Variants in ZNF594 observed in about 807,000 individuals in gnomAD.
The protein encoded by ZNF594 is zinc finger protein 594, also known as zinc finger protein HZF18.
For synonymous variants in ZNF594, 336 were observed against 309.4 expected (o/e 1.09, Z -0.90); for missense variants, 1,037 against 964.6 (o/e 1.08, Z -0.99).
At chr17:5,186,509 C>T (rs181780708) in intron 1 of ZNF594, among the ~76,000 whole-genome samples, 272 of 152,342 alleles carry the variant, frequency 1.8e-3, no homozygotes, top group South Asian at 6.0e-3. Flanking sequence ...TCTGACATGC[C>T]CTGGAGACAT....
chr17:5,181,599 A>C lies in ZNF594; in HGVS notation c.*234T>G, dbSNP rs767768798. On this transcript the variant is annotated 3_prime_UTR_variant, in exon 2 of 2. Transcript: ENST00000575779. ...ATGAATTCTCCGACGTTGAATAAGG[A>C]GTGAACGCCGCCTGAAGGCTTTTTC... The C allele has an allele frequency of 1.1e-5, 18 of 1,611,218 alleles. No individual in the cohort carries two copies. Among genetic ancestry groups the C allele is most frequent in the Non-Finnish European group, 1.4e-5 (16 of 1,177,574 alleles).
rs552766444 is a variant in ZNF594, at chr17:5,183,125, A to G, written c.1132T>C (p.Cys378Arg). ...TGGAAATTCCTACCACACTGATTAC[A>G]CCAATAAGCTTTCTCTTCCTGGTGA... ...RIHQEEKAYW[C>R]NQCGRNFQGT... The change falls in exon 2 of 2, where the codon TGT becomes CGT. Residue 378 changes from cysteine to arginine, a missense_variant. Cys to Arg is a radical substitution (Grantham distance 180). Transcript: ENST00000575779. The G allele has an allele frequency of 6.2e-7, 1 of 1,614,052 alleles. No homozygotes were observed. The highest frequency in any genetic ancestry group is 2.2e-5 in the East Asian group (1 of 44,862).
chr17:5,182,649 G>A lies in ZNF594; in HGVS notation c.1608C>T (p.Ser536=). 6.2e-7 allele frequency: 1 copy of A among 1,613,266 alleles called. No homozygotes were observed. Among genetic ancestry groups the A allele is most frequent in the Non-Finnish European group, 8.5e-7 (1 of 1,179,688 alleles). Residue 536 remains serine, a synonymous_variant, in exon 2 of 2, where the codon AGC becomes AGT. Transcript: ENST00000575779. ...IWRTAFLKHQ[S]LHTGEKLECE... is the part of the protein sequence containing the mutation. ...ATTCAAGTTTCTCTCCAGTATGCAG[G>A]CTCTGATGTTTGAGGAAAGCTGTGC... is the stretch of plus-strand genomic sequence containing the variant.
Position 5,181,088 on chromosome 17 carries a change from T to C in ZNF594, c.*745A>G, listed in dbSNP as rs756791357. On this transcript the variant is annotated 3_prime_UTR_variant, in exon 2 of 2. Transcript: ENST00000575779. ...AGGGTTTCTCTCTGGTATGAATTCT[T>C]TGATGACTGACAAGGTGTGAGTTCT... 6.9e-7 allele frequency: 1 copy of C among 1,441,996 alleles called. No individual in the cohort carries two copies. The highest frequency in any genetic ancestry group is 9.7e-7 in the Non-Finnish European group (1 of 1,032,340). 89.3% of individuals were successfully genotyped at this position (1,441,996 alleles called of 1,614,324 possible).
chr17:5,175,160 C>G, downstream of ZNF594: 1 of 162,202 alleles, frequency 6.2e-6, no homozygotes, highest in Non-Finnish European at 1.4e-5. Context: ...TTCCCCAACT[C>G]CTGGGCTACA....
chr17:5,183,473 T>G lies in ZNF594; in HGVS notation c.784A>C (p.Thr262Pro), dbSNP rs1033675780. 12 of 1,614,016 alleles carry G rather than the reference T, an allele frequency of 7.4e-6. No homozygotes were observed. The highest frequency in any genetic ancestry group is 1.0e-5 in the Non-Finnish European group (12 of 1,180,050). Residue 262 changes from threonine (T) to proline (P), a missense_variant, in exon 2 of 2, where the codon ACT becomes CCT. Transcript: ENST00000575779. ...TDLIIHHRIHTGEKPYECYDC... is the reference protein window; with the variant it reads ...TDLIIHHRIHPGEKPYECYDC... Reference sequence around the variant, plus strand: ...TAACATTCATAGGGTTTCTCTCCAGTGTGAATTCTGTGATGTATAATAAGA... The same window carrying G: ...TAACATTCATAGGGTTTCTCTCCAGGGTGAATTCTGTGATGTATAATAAGA...
chr17:5,181,539 C>T lies in ZNF594; in HGVS notation c.*294G>A, dbSNP rs764098668. 3 of 1,613,898 alleles carry T rather than the reference C, an allele frequency of 1.9e-6. No homozygotes were observed. The highest frequency in any genetic ancestry group is 2.5e-6 in the Non-Finnish European group (3 of 1,179,892). ...AGCTGTGTGCCACATGAAGAGTTTC[C>T]CACATTCCTTACATTCATAGGGTTT... On this transcript the variant is annotated 3_prime_UTR_variant, in exon 2 of 2. Coordinates refer to ENST00000575779, the MANE Select transcript of ZNF594 (RefSeq NM_032530.2).
intron 1 of ZNF594, among the ~76,000 whole-genome samples, chr17:5,189,738 G>A (rs2074409609): frequency 6.6e-6 from 1 of 152,030 alleles, no homozygotes; most frequent in Non-Finnish European, 1.5e-5. Context: ...TGCCCAGGCA[G>A]GTCTCAAACT....
the ZNF594 span, chr17:5,174,219 ATAT>A: frequency 1.5e-4 from 29 of 191,154 alleles, no homozygotes; most frequent in Non-Finnish European, 5.5e-5. Context: ...AAAAGTATAA[ATAT>A]TATTTATTTG....
At position 5,184,055 on chromosome 17, in the gene ZNF594, C is replaced by T; in HGVS notation, c.202G>A (p.Glu68Lys). 6.2e-7 allele frequency: 1 copy of T among 1,614,168 alleles called. No homozygotes were observed. Among genetic ancestry groups the T allele is most frequent in the Non-Finnish European group, 8.5e-7 (1 of 1,180,034 alleles). ...GCTTTCTGGGGGATAATATGCATTTCCCTGATACCGCTCTCTTGGGAAGGG... is the reference window on the plus strand; with the variant it reads ...GCTTTCTGGGGGATAATATGCATTTTCCTGATACCGCTCTCTTGGGAAGGG... ...HLPSQESGIR[E>K]MHIIPQKAIV... Residue 68 changes from glutamate to lysine, a missense_variant, in exon 2 of 2, where the codon GAA (glutamate) becomes AAA (lysine). By Grantham distance (56) the Glu-to-Lys change is moderately conservative (BLOSUM62 1). Coordinates refer to ENST00000575779, the MANE Select transcript of ZNF594 (RefSeq NM_032530.2).
chr17:5,190,369 G>C (rs1313798663), intron 1 of ZNF594, among the ~76,000 whole-genome samples: 1 of 151,558 alleles, frequency 6.6e-6, no homozygotes. Flanking sequence ...TCTGTCTTAA[G>C]AAAAAAAAGG....
chr17:5,183,666 A>G lies in ZNF594; in HGVS notation c.591T>C (p.Asn197=). 6.2e-7 allele frequency: 1 copy of G among 1,614,186 alleles called. No homozygotes were observed. Among genetic ancestry groups the G allele is most frequent in the Non-Finnish European group, 8.5e-7 (1 of 1,180,032 alleles). The change falls in exon 2 of 2, where the codon AAT becomes AAC. Residue 197 remains asparagine (N), a synonymous_variant. Coordinates refer to ENST00000575779, the MANE Select transcript of ZNF594 (RefSeq NM_032530.2). ...TGTGAATTTGCTTATGTCTCACCAG[A>G]TTGGAGCTCTGATTGAAGTCTTTTC... is the stretch of plus-strand genomic sequence containing the variant. ...ECGKDFNQSS[N]LVRHKQIHSG...
Position 5,183,791 on chromosome 17 carries a change from C to A in ZNF594, c.466G>T (p.Val156Leu), listed in dbSNP as rs372503069. 16 of 1,614,022 alleles carry A rather than the reference C, an allele frequency of 9.9e-6. No homozygotes were observed. The highest frequency in any genetic ancestry group is 1.4e-5 in the Non-Finnish European group (16 of 1,180,038). The part of the protein sequence containing the change: ...QRIHTGNKPY[V>L]CNECGKDSNQ... ...GAGTCTTTCCCACATTCATTACACA[C>A]ATATGGCTTATTTCCTGTATGAATT... Residue 156 changes from valine (V) to leucine (L), a missense_variant, in exon 2 of 2, where the codon GTG becomes TTG. Coordinates refer to ENST00000575779, the MANE Select transcript of ZNF594 (RefSeq NM_032530.2).
Position 5,181,571 on chromosome 17 carries a change from A to T in ZNF594, c.*262T>A. Reference sequence around the variant, plus strand: ...CCTTACATTCATAGGGTTTCTCACCACTATGAATTCTCCGACGTTGAATAA... The same window carrying T: ...CCTTACATTCATAGGGTTTCTCACCTCTATGAATTCTCCGACGTTGAATAA... On this transcript the variant is annotated 3_prime_UTR_variant, in exon 2 of 2. Transcript: ENST00000575779. 6.2e-7 allele frequency: 1 copy of T among 1,613,570 alleles called. No homozygotes were observed. Among genetic ancestry groups the T allele is most frequent in the Non-Finnish European group, 8.5e-7 (1 of 1,179,552 alleles).
In ZNF594 at chr17:5,181,284, T is replaced by A. The variant is rs760061807; in HGVS notation, c.*549A>T. ...ATGTCTCAGAAGGTCTGAGCTCTGATTGAAAGTTTTCCCACATTCTTTACA... is the reference window on the plus strand; with the variant it reads ...ATGTCTCAGAAGGTCTGAGCTCTGAATGAAAGTTTTCCCACATTCTTTACA... On this transcript the variant is annotated 3_prime_UTR_variant, in exon 2 of 2. Coordinates refer to ENST00000575779, the MANE Select transcript of ZNF594 (RefSeq NM_032530.2). The A allele has an allele frequency of 6.2e-7, 1 of 1,612,746 alleles. No individual in the cohort carries two copies. The highest frequency in any genetic ancestry group is 1.1e-5 in the South Asian group (1 of 91,036).
chr17:5,181,102 G>A lies in ZNF594; in HGVS notation c.*731C>T. 6.7e-7 allele frequency: 1 copy of A among 1,486,148 alleles called. No homozygotes were observed. Among genetic ancestry groups the A allele is most frequent in the Non-Finnish European group, 9.3e-7 (1 of 1,070,484 alleles). The allele number at this position is 1,486,148 out of a possible 1,614,324, so 92.1% of individuals were successfully genotyped here. Reference sequence around the variant, plus strand: ...GTATGAATTCTTTGATGACTGACAAGGTGTGAGTTCTGACTGAAGGCCTTC... The same window carrying A: ...GTATGAATTCTTTGATGACTGACAAAGTGTGAGTTCTGACTGAAGGCCTTC... On this transcript the variant is annotated 3_prime_UTR_variant, in exon 2 of 2. Transcript: ENST00000575779.
At position 5,183,156 on chromosome 17, in the gene ZNF594, C is replaced by T. The variant is rs752007361; in HGVS notation, c.1101G>A (p.Gln367=). ...AAGCTTTCTCTTCCTGGTGAATTCTCTGCTCTTCCCTAAGCTCCTCATCCT... is the reference window on the plus strand; with the variant it reads ...AAGCTTTCTCTTCCTGGTGAATTCTTTGCTCTTCCCTAAGCTCCTCATCCT... The part of the protein sequence containing the change: ...FSKDEELREE[Q]RIHQEEKAYW... Residue 367 remains glutamine (Q), a synonymous_variant, in exon 2 of 2, where the codon CAG becomes CAA. Coordinates refer to ENST00000575779, the MANE Select transcript of ZNF594 (RefSeq NM_032530.2). The T allele has an allele frequency of 2.5e-6, 4 of 1,614,076 alleles. No individual in the cohort carries two copies. In the Admixed American group the frequency reaches 6.7e-5, roughly 27 times the overall value.
Position 5,180,628 on chromosome 17 carries a change from T to C in ZNF594, c.*1205A>G. On this transcript the variant is annotated 3_prime_UTR_variant, in exon 2 of 2. Transcript: ENST00000575779. Reference sequence around the variant, plus strand: ...AGGGAGGAGTGCTTGAGCCCAAGAGTTCAAGTCCAGCCTGGGCAACATAGT... The same window carrying C: ...AGGGAGGAGTGCTTGAGCCCAAGAGCTCAAGTCCAGCCTGGGCAACATAGT... The C allele has an allele frequency of 5.1e-6, 1 of 197,218 alleles. No individual in the cohort carries two copies. Among genetic ancestry groups the C allele is most frequent in the Non-Finnish European group, 1.0e-5 (1 of 96,084 alleles). The allele number at this position is 197,218 out of a possible 1,614,324, so 12.2% of individuals were successfully genotyped here. A position where few individuals can be genotyped will look rare whatever the true frequency, so the allele number is the denominator to read the frequency against.
At chr17:5,176,813 C>T (rs982055148), downstream of ZNF594, among the ~76,000 whole-genome samples, 2 of 151,416 alleles carry the variant, frequency 1.3e-5, no homozygotes, top group South Asian at 2.1e-4. Flanking sequence ...GAATTAAAAA[C>T]GATCAAAATG....
Sources: gnomAD v4.1 joint callset for allele counts (sites outside exome capture counted in the v4.1 genomes callset) on GRCh38, gnomAD v4.1.1 for gene constraint, MANE v1.5 for transcripts, NCBI Gene and HGNC (gene_info 2026-07-23, HGNC 2026-07-21) for gene names.